RPH3A: variants seen among roughly 807,000 people sequenced by gnomAD.
RPH3A encodes rabphilin-3A.
RPH3A carries 48 observed loss-of-function variants against 102.2 expected under a neutral mutation model. That is an observed-to-expected ratio of 0.47 (90% confidence interval 0.37 to 0.60). The LOEUF is 0.60. Ranked by LOEUF, RPH3A falls within the 20% of genes least tolerant of loss-of-function variation. The pLI is 0.00. For synonymous variants in RPH3A, 310 were observed against 324.3 expected (o/e 0.96, Z 0.47); for missense variants, 781 against 910.1 (o/e 0.86, Z 1.83).
intron 1 of RPH3A, among the ~76,000 whole-genome samples, chr12:112,590,237 C>T (rs1037547716): frequency 2.6e-5 from 4 of 152,168 alleles, no homozygotes; most frequent in African/African-American, 9.7e-5. Context: ...GAGAGGACAA[C>T]GGATTCGCCT....
intron 4 of RPH3A, among the ~76,000 whole-genome samples, chr12:112,838,642 C>G (rs1298411690): frequency 6.6e-6 from 1 of 152,196 alleles, no homozygotes; most frequent in African/African-American, 2.4e-5. Context: ...TGCTTCAGAG[C>G]CTTCATGCCC....
intron 1 of RPH3A, among the ~76,000 whole-genome samples, chr12:112,756,369 C>T (rs1192341462): frequency 2.0e-5 from 3 of 152,266 alleles, no homozygotes; most frequent in African/African-American, 4.8e-5. Context: ...TGCACCACCA[C>T]GCCCAGCTAA....
chr12:112,724,351 C>T (rs1376044387), intron 1 of RPH3A, among the ~76,000 whole-genome samples: 1 of 152,142 alleles, frequency 6.6e-6, no homozygotes, highest in Non-Finnish European at 1.5e-5. Context: ...AGGCATGAGC[C>T]ACTGTGGCTG....
chr12:112,881,599 C>T (rs1176168584), intron 14 of RPH3A, among the ~76,000 whole-genome samples, 173 bp from the exon 15 acceptor site: 1 of 152,218 alleles, frequency 6.6e-6, no homozygotes, highest in African/African-American at 2.4e-5. Flanking sequence ...ACCCTGTCTC[C>T]CATCCCAGTA....
intron 1 of RPH3A, among the ~76,000 whole-genome samples, chr12:112,705,239 C>T (rs2040420428): frequency 6.6e-6 from 1 of 152,158 alleles, no homozygotes; most frequent in Admixed American, 6.5e-5. Context: ...TGCTAGCATC[C>T]TGTTGACTGG....
chr12:112,593,938 T>C (rs775905356), intron 1 of RPH3A, among the ~76,000 whole-genome samples: 1 of 152,240 alleles, frequency 6.6e-6, no homozygotes, highest in Non-Finnish European at 1.5e-5. Flanking sequence ...TTCCCCCATA[T>C]AACACTTACT....
chr12:112,619,482 C>T (rs1278035920), intron 1 of RPH3A, among the ~76,000 whole-genome samples: 1 of 152,022 alleles, frequency 6.6e-6, no homozygotes, highest in Admixed American at 6.6e-5. Flanking sequence ...GGGGTTTCAC[C>T]GTGTTGGCCA....
At chr12:112,598,657 T>A (rs919417866) in intron 1 of RPH3A, among the ~76,000 whole-genome samples, 3 of 151,766 alleles carry the variant, frequency 2.0e-5, no homozygotes, top group African/African-American at 7.3e-5. Context: ...ATAAGTGAAG[T>A]GGGAGGATGA....
intron 3 of RPH3A, among the ~76,000 whole-genome samples, chr12:112,828,890 A>C (rs983142119): frequency 1.3e-5 from 2 of 152,254 alleles, no homozygotes; most frequent in Non-Finnish European, 2.9e-5. Context: ...GATTTCTGAC[A>C]TGTCTTCAAA....
intron 2 of RPH3A, among the ~76,000 whole-genome samples, chr12:112,820,816 AG>A (rs1467704568): frequency 1.3e-5 from 2 of 152,322 alleles, no homozygotes; most frequent in South Asian, 2.1e-4. Context: ...GGCTCATGGC[AG>A]GCACCATCTG....
At chr12:112,639,268 A>G (rs938156353) in intron 1 of RPH3A, among the ~76,000 whole-genome samples, 1 of 152,176 alleles carries the variant, frequency 6.6e-6, no homozygotes, top group Non-Finnish European at 1.5e-5. Context: ...ACAGCCAGAG[A>G]GGCTTTTATG....
chr12:112,613,531 G>A (rs1797444353), intron 1 of RPH3A, among the ~76,000 whole-genome samples: 1 of 152,166 alleles, frequency 6.6e-6, no homozygotes, highest in Admixed American at 6.5e-5. Context: ...TAAGGATCTT[G>A]AGATGTAGAG....
In RPH3A at chr12:112,831,757, T is replaced by C. The variant is rs1383301684; in HGVS notation, c.71+3368T>C. On this transcript the variant is annotated intron_variant, in intron 3 of 21. Coordinates refer to ENST00000389385, the MANE Select transcript of RPH3A (RefSeq NM_001143854.2). The stretch of plus-strand genomic sequence containing the variant: ...CTTGTTCTTGAAGGTTGCAGCATTC[T>C]AGGTGGACTTTGAAGGATTGGTTGT... 2.2e-5 allele frequency: 10 copies of C among 455,950 alleles called. No homozygotes were observed. The Admixed American group carries it at 2.3e-4, about 11-fold the overall frequency. The allele number at this position is 455,950 out of a possible 1,614,324, so 28.2% of individuals were successfully genotyped here.
intron 2 of RPH3A, among the ~76,000 whole-genome samples, chr12:112,805,551 A>G (rs1650365161): frequency 1.3e-5 from 2 of 152,210 alleles, no homozygotes; most frequent in Admixed American, 1.3e-4. Context: ...CATTGTCAGA[A>G]AGGGCCAGTT....
At chr12:112,692,805 A>G (rs2040316665) in intron 1 of RPH3A, among the ~76,000 whole-genome samples, 1 of 152,218 alleles carries the variant, frequency 6.6e-6, no homozygotes, top group South Asian at 2.1e-4. Context: ...AGTCTGGGCC[A>G]CTGTGCTATC....
intron 1 of RPH3A, among the ~76,000 whole-genome samples, chr12:112,673,073 C>T (rs2040146395): frequency 6.6e-6 from 1 of 152,170 alleles, no homozygotes; most frequent in Admixed American, 6.5e-5. Flanking sequence ...TTATGTCCAC[C>T]ATTTCCTGGC....
At chr12:112,873,464 A>T (rs902347398) in intron 10 of RPH3A, among the ~76,000 whole-genome samples, 1 of 152,216 alleles carries the variant, frequency 6.6e-6, no homozygotes, top group African/African-American at 2.4e-5. Flanking sequence ...CCAGGGCTTA[A>T]TCCTGGAATC....
chr12:112,856,577 T>C (rs1417351675), intron 5 of RPH3A, among the ~76,000 whole-genome samples: 1 of 151,988 alleles, frequency 6.6e-6, no homozygotes, highest in Non-Finnish European at 1.5e-5. Context: ...TGTGGATGCA[T>C]GTGTCATCTG....
At chr12:112,593,223 C>T (rs540341215) in intron 1 of RPH3A, among the ~76,000 whole-genome samples, 257 of 152,226 alleles carry the variant, frequency 1.7e-3, no homozygotes, top group African/African-American at 5.9e-3. Flanking sequence ...GGATGCTCAC[C>T]GGAACCCAAT....
Sources: gnomAD v4.1 joint callset for allele counts (sites outside exome capture counted in the v4.1 genomes callset) on GRCh38, gnomAD v4.1.1 for gene constraint, MANE v1.5 for transcripts, NCBI Gene and HGNC (gene_info 2026-07-23, HGNC 2026-07-21) for gene names.